Variants in MEIKIN observed in about 807,000 individuals in gnomAD.
MEIKIN encodes meiotic kinetochore factor.
intron 8 of MEIKIN, among the ~76,000 whole-genome samples, chr5:131,891,430 G>A (rs1750914827): frequency 6.6e-6 from 1 of 152,202 alleles, no homozygotes. Context: ...ATTTAGGATA[G>A]TTAGCTTTTC....
At chr5:131,847,823 A>G (rs1481302311) in intron 11 of MEIKIN, among the ~76,000 whole-genome samples, 1 of 152,124 alleles carries the variant, frequency 6.6e-6, no homozygotes, top group East Asian at 1.9e-4. Flanking sequence ...CATACAAAGT[A>G]TTTTGTCTGA....
At chr5:131,886,213 A>G (rs1750792411) in intron 8 of MEIKIN, among the ~76,000 whole-genome samples, 1 of 152,186 alleles carries the variant, frequency 6.6e-6, no homozygotes, top group Admixed American at 6.5e-5. Context: ...GGCCTTAAAC[A>G]GGAGGTAGAG....
chr5:131,874,209 TG>T (rs1421932918), intron 9 of MEIKIN, among the ~76,000 whole-genome samples: 3 of 152,150 alleles, frequency 2.0e-5, no homozygotes, highest in African/African-American at 7.2e-5. Context: ...ATCCAGGAGC[TG>T]GTTTTTTGAA....
intron 8 of MEIKIN, among the ~76,000 whole-genome samples, chr5:131,903,026 T>C (rs1192211111): frequency 6.6e-6 from 1 of 151,690 alleles, no homozygotes; most frequent in East Asian, 1.9e-4. Context: ...GTATTAAGAG[T>C]AGAATTGACC....
chr5:131,852,966 C>T (rs554419345), intron 10 of MEIKIN, among the ~76,000 whole-genome samples: 126 of 152,162 alleles, frequency 8.3e-4, no homozygotes, highest in Middle Eastern at 3.4e-3. Context: ...CACTCATTTT[C>T]TGGAAAAAGT....
intron 8 of MEIKIN, among the ~76,000 whole-genome samples, chr5:131,898,966 G>A (rs1424645386): frequency 6.6e-6 from 1 of 152,154 alleles, no homozygotes; most frequent in Non-Finnish European, 1.5e-5. Context: ...AGATGAACCA[G>A]GTACTTCAGT....
At chr5:131,866,221 G>A (rs1189333692) in intron 9 of MEIKIN, among the ~76,000 whole-genome samples, 1 of 152,242 alleles carries the variant, frequency 6.6e-6, no homozygotes, top group African/African-American at 2.4e-5. Flanking sequence ...GCACATGCTG[G>A]TGAATGCCAG....
At chr5:131,907,313 GA>G (rs1163239303) in intron 8 of MEIKIN, among the ~76,000 whole-genome samples, 1 of 148,956 alleles carries the variant, frequency 6.7e-6, no homozygotes, top group Non-Finnish European at 1.5e-5. Context: ...AAAATTAGTA[GA>G]AAAAAAAGAT....
chr5:131,817,519 G>A (rs544526972), intron 12 of MEIKIN, among the ~76,000 whole-genome samples: 2 of 152,048 alleles, frequency 1.3e-5, no homozygotes, highest in African/African-American at 4.8e-5. Context: ...GGGAGGCTGA[G>A]GCTGGAATAT....
At chr5:131,841,260 G>A (rs568522072) in intron 11 of MEIKIN, among the ~76,000 whole-genome samples, 1 of 152,224 alleles carries the variant, frequency 6.6e-6, no homozygotes, top group South Asian at 2.1e-4. Flanking sequence ...CCAGACTACT[G>A]GTCTCTACAA....
intron 9 of MEIKIN, among the ~76,000 whole-genome samples, chr5:131,875,207 C>T (rs1273963713): frequency 1.3e-5 from 2 of 152,138 alleles, no homozygotes; most frequent in East Asian, 3.8e-4. Flanking sequence ...TCAAATTGTC[C>T]CTGTTTGCAG....
At chr5:131,875,988 A>G (rs1210080023) in intron 9 of MEIKIN, among the ~76,000 whole-genome samples, 2 of 152,212 alleles carry the variant, frequency 1.3e-5, no homozygotes, top group Admixed American at 6.5e-5. Context: ...TTATACAAAA[A>G]TTAATTCAAG....
At chr5:131,885,333 AGAACT>A (rs2149630928) in intron 8 of MEIKIN, among the ~76,000 whole-genome samples, 1 of 127,380 alleles carries the variant, frequency 7.9e-6, no homozygotes, top group Non-Finnish European at 1.6e-5. Context: ...CAGGCCACTC[AGAACT>A]GAAAGAGAGA....
intron 4 of MEIKIN, among the ~76,000 whole-genome samples, chr5:131,939,731 A>C (rs1001126116): frequency 1.3e-5 from 2 of 152,196 alleles, no homozygotes; most frequent in African/African-American, 2.4e-5. Flanking sequence ...TCAGGTTTCA[A>C]ATATCAATCA....
At chr5:131,920,366 AAAC>A (rs1228852816) in intron 6 of MEIKIN, among the ~76,000 whole-genome samples, 1 of 152,232 alleles carries the variant, frequency 6.6e-6, no homozygotes, top group African/African-American at 2.4e-5. Flanking sequence ...ACCCTTGGAC[AAAC>A]ACCACAGTAA....
intron 11 of MEIKIN, among the ~76,000 whole-genome samples, chr5:131,837,413 C>T (rs10052255): frequency 0.78 from 119,190 of 152,078 alleles, 46,940 homozygotes; most frequent in African/African-American, 0.83. Context: ...GGCACTTTGA[C>T]AGGAATAGCA....
chr5:131,870,876 C>T (rs962904380), intron 9 of MEIKIN, among the ~76,000 whole-genome samples: 1 of 152,152 alleles, frequency 6.6e-6, no homozygotes, highest in Non-Finnish European at 1.5e-5. Flanking sequence ...TCTATTTGCT[C>T]TCTAATTCCT....
chr5:131,863,743 G>A (rs1482710366), intron 9 of MEIKIN, among the ~76,000 whole-genome samples: 1 of 151,976 alleles, frequency 6.6e-6, no homozygotes, highest in Non-Finnish European at 1.5e-5. Context: ...CATGTTATGG[G>A]AGGGACCCTC....
chr5:131,817,950 G>A (rs1259477999), intron 12 of MEIKIN, among the ~76,000 whole-genome samples: 1 of 152,112 alleles, frequency 6.6e-6, no homozygotes, highest in East Asian at 1.9e-4. Flanking sequence ...GAGGGGAGAT[G>A]TTAAGCCTTC....
Sources: allele counts gnomAD v4.1 joint callset (sites outside exome capture counted in the v4.1 genomes callset), GRCh38; gene constraint gnomAD v4.1.1; transcripts MANE v1.5; gene names NCBI Gene and HGNC (gene_info 2026-07-23, HGNC 2026-07-21).